CYP2D6: variants seen among roughly 807,000 people sequenced by gnomAD.
CYP2D6 encodes the protein cytochrome P450 family 2 subfamily D member 6 (gene/pseudogene).
In CYP2D6, 51 loss-of-function variants were observed where a neutral mutation model predicts 43.5. The ratio of observed to expected loss-of-function variants is 1.17; its 90% CI spans 0.94 to 1.48. The LOEUF is 1.48. Ranked by LOEUF, CYP2D6 falls within the 40% of genes most tolerant of loss-of-function variation. The pLI is 0.00. For synonymous variants in CYP2D6, 346 were observed against 297.1 expected, an observed-to-expected ratio of 1.16 and a Z score of -1.69; for missense variants, 698 against 688.0, an observed-to-expected ratio of 1.01 and a Z score of -0.16.
rs5030865 is a variant in CYP2D6, at chr22:42,129,033, C to A, written c.505G>T (p.Gly169Ter). Residue 169 changes from glycine to a stop codon, truncating the protein, a stop_gained and splice_region_variant, in exon 3 of 9, where the codon GGA becomes TGA. Transcript: ENST00000645361. LOFTEE classifies it high-confidence loss of function. ...TTGTGCCCTTCTGCCCATCACCCAC[C>A]GGAGTGGTTGGCGAAGGCGGCACAA... ...CLCAAFANHS[G>*]RPFRPNGLLD... is the part of the protein sequence containing the mutation. The A allele has an allele frequency of 3.5e-5, 56 of 1,606,104 alleles. 1 individual carries two copies. The South Asian group carries it at 3.6e-4, about 10-fold the overall frequency.
At chr22:42,128,523 A>G (rs879762106) in intron 4 of CYP2D6, among the ~76,000 whole-genome samples, 173 bp from the exon 5 acceptor site, 4 of 150,716 alleles carry the variant, frequency 2.7e-5, no homozygotes, top group African/African-American at 9.8e-5. Context: ...CCAGAGGAGA[A>G]ACCTAAAATC....
Position 42,130,643 on chromosome 22 carries a change from T to C in CYP2D6, c.149A>G (p.Asp50Gly), listed in dbSNP as rs143812937. Reference protein sequence around the residue: ...LPGLGNLLHVDFQNTPYCFDQ... With the variant: ...LPGLGNLLHVGFQNTPYCFDQ... ...GAAGCAGTATGGTGTGTTCTGGAAG[T>C]CCACATGCAGCAGGTTGCCCAGCCC... The change falls in exon 1 of 9, where the codon GAC becomes GGC. Residue 50 changes from aspartate to glycine, a missense_variant. By Grantham distance (94) the Asp-to-Gly change is moderately conservative. Transcript: ENST00000645361. The C allele has an allele frequency of 1.0e-4, 160 of 1,607,960 alleles. 5 individuals carry two copies. Among genetic ancestry groups the C allele is most frequent in the Non-Finnish European group, 1.3e-4 (149 of 1,177,064 alleles).
In CYP2D6 at chr22:42,129,836, G is replaced by C; in HGVS notation, c.254C>G (p.Ala85Gly). The change falls in exon 2 of 9, where the codon GCG becomes GGG. Residue 85 changes from alanine to glycine, a missense_variant. Around this residue, in one of 5 missense-constraint regions of CYP2D6, gnomAD observed 588 missense variants for 521.1 expected, o/e 1.13. Transcript: ENST00000645361. ...GGTCACCAGCGCCTCGCGCACGGCC[G>C]CCAGCCCATTGAGCACGACCACCGG... is the stretch of plus-strand genomic sequence containing the variant. ...WTPVVVLNGL[A>G]AVREALVTHG... 2 of 1,598,560 alleles carry C rather than the reference G, an allele frequency of 1.3e-6. No individual in the cohort carries two copies. The highest frequency in any genetic ancestry group is 1.7e-5 in the Admixed American group (1 of 59,452).
Position 42,128,031 on chromosome 22 carries a change from A to T in CYP2D6, c.844-48T>A, listed in dbSNP as rs28371723. 3.6e-4 allele frequency: 585 copies of T among 1,609,378 alleles called. 29 individuals are homozygous for T. In the African/African-American group the frequency reaches 7.2e-3, roughly 20 times the overall value. ...TCGGGACAGAACGGGGTAGCCCCCA[A>T]ATGACCTCCAATTCTGCACCTGTCA... On this transcript the variant is annotated intron_variant, in intron 5 of 8. Coordinates refer to ENST00000645361, the MANE Select transcript of CYP2D6 (RefSeq NM_000106.6).
In CYP2D6 at chr22:42,127,948, C is replaced by T; in HGVS notation, c.879G>A (p.Glu293=). Residue 293 remains glutamate (E), a synonymous_variant, in exon 6 of 9, where the codon GAG becomes GAA. Coordinates refer to ENST00000645361, the MANE Select transcript of CYP2D6 (RefSeq NM_000106.6). ...GGTCAGCCACCACTATGCGCAGGTT[C>T]TCATCATTGAAGCTGCTCTCAGGGT... ...KGNPESSFND[E]NLRIVVADLF... 4.3e-6 allele frequency: 7 copies of T among 1,611,386 alleles called. No individual in the cohort carries two copies. Among genetic ancestry groups the T allele is most frequent in the Middle Eastern group, 3.3e-4 (2 of 6,058 alleles).
chr22:42,126,510 A>G lies in CYP2D6; in HGVS notation c.*64T>C, dbSNP rs1930922060. ...GCAGGGGACCCGAGTTGGAACTACCACATTGCTTTATTGTACATTAGAGCC... is the reference window on the plus strand; with the variant it reads ...GCAGGGGACCCGAGTTGGAACTACCGCATTGCTTTATTGTACATTAGAGCC... On this transcript the variant is annotated 3_prime_UTR_variant, in exon 9 of 9. Coordinates refer to ENST00000645361, the MANE Select transcript of CYP2D6 (RefSeq NM_000106.6). 4.0e-6 allele frequency: 6 copies of G among 1,494,744 alleles called. No homozygotes were observed. Among genetic ancestry groups the G allele is most frequent in the Non-Finnish European group, 5.4e-6 (6 of 1,113,372 alleles). 92.6% of individuals were successfully genotyped at this position (1,494,744 alleles called of 1,614,324 possible).
At chr22:42,128,066 C>G (rs1483914043) in intron 5 of CYP2D6, 83 bp from the exon 6 acceptor site, 1 of 1,596,870 alleles carries the variant, frequency 6.3e-7, no homozygotes, top group Non-Finnish European at 8.6e-7. Context: ...AGCCCAGATG[C>G]GGCTCGCCGG....
rs777955329 is a variant in CYP2D6 at position 42,127,846 on chromosome 22, C to T, written c.981G>A (p.Val327=). ...GLLLMILHPD[V]QRRVQQEIDD... is the part of the protein sequence containing the mutation. ...CTGTTTCCCAGATGGGCTCACGCTG[C>T]ACATCCGGATGTAGGATCATGAGCA... The change falls in exon 6 of 9, where the codon GTG becomes GTA. Residue 327 remains valine, a synonymous_variant. Coordinates refer to ENST00000645361, the MANE Select transcript of CYP2D6 (RefSeq NM_000106.6). The T allele has an allele frequency of 1.6e-5, 25 of 1,610,960 alleles. No homozygotes were observed. The East Asian group carries it at 2.9e-4, about 19-fold the overall frequency.
chr22:42,128,621 T>A (rs1441770826), intron 4 of CYP2D6, among the ~76,000 whole-genome samples, 163 bp downstream of exon 4: 1 of 150,992 alleles, frequency 6.6e-6, no homozygotes, highest in Admixed American at 6.6e-5. Context: ...CGACCATGTC[T>A]GAGATGTCCC....
In CYP2D6 at chr22:42,129,056, C is replaced by A. The variant is rs774943042; in HGVS notation, c.482G>T (p.Cys161Phe). 1.9e-6 allele frequency: 3 copies of A among 1,608,052 alleles called. No individual in the cohort carries two copies. The highest frequency in any genetic ancestry group is 1.7e-6 in the Non-Finnish European group (2 of 1,177,062). ...QWVTEEAACL[C>F]AAFANHSGRP... ...ACCGGAGTGGTTGGCGAAGGCGGCA[C>A]AAAGGCAGGCGGCCTCCTCGGTCAC... is the stretch of plus-strand genomic sequence containing the variant. The change falls in exon 3 of 9, where the codon TGT becomes TTT. Residue 161 changes from cysteine to phenylalanine, a missense_variant. By Grantham distance (205) the Cys-to-Phe change is radical (BLOSUM62 -2). Transcript: ENST00000645361.
In CYP2D6 at chr22:42,127,444, T is replaced by C. The variant is rs1406283796; in HGVS notation, c.1173+3A>G. On this transcript the variant is annotated splice_donor_region_variant and intron_variant, in intron 7 of 8. Transcript: ENST00000645361. ...GCTGGGGTGAGGAGGGCGCCAGGCC[T>C]ACCTTAGGGATGCGGAAGCCCTGTA... 17 of 1,604,742 alleles carry C rather than the reference T, an allele frequency of 1.1e-5. No individual in the cohort carries two copies. The highest frequency in any genetic ancestry group is 1.4e-5 in the Non-Finnish European group (16 of 1,172,732).
At chr22:42,127,790 C>T (rs569426051) in intron 6 of CYP2D6, 52 bp downstream of exon 6, 16 of 1,601,850 alleles carry the variant, frequency 1.0e-5, no homozygotes, top group African/African-American at 5.4e-5. Flanking sequence ...CATGGGCCCC[C>T]GCCTGTACCC....
Position 42,126,640 on chromosome 22 carries a change from G to A in CYP2D6, c.1428C>T (p.Ser476=). Residue 476 remains serine (S), a synonymous_variant, in exon 9 of 9, where the codon AGC becomes AGT. Coordinates refer to ENST00000645361, the MANE Select transcript of CYP2D6 (RefSeq NM_000106.6). ...FSVPTGQPRP[S]HHGVFAFLVS... ...CCAGGAAAGCAAAGACACCATGGTG[G>A]CTGGGCCGGGGCTGTCCAGTGGGCA... 3 of 1,609,436 alleles carry A rather than the reference G, an allele frequency of 1.9e-6. No homozygotes were observed. Among genetic ancestry groups the A allele is most frequent in the Middle Eastern group, 1.7e-4 (1 of 5,952 alleles).
intron 4 of CYP2D6, 79 bp downstream of exon 4, chr22:42,128,705 C>G: frequency 6.6e-7 from 1 of 1,505,568 alleles, no homozygotes. Context: ...GCAAATCCTG[C>G]TCTTCCGAGG....
intron 2 of CYP2D6, chr22:42,129,396 A>T (rs1235135630): frequency 1.2e-6 from 1 of 828,826 alleles, no homozygotes; most frequent in East Asian, 2.6e-5. Flanking sequence ...CCGCCTTTGC[A>T]CTCAGGGAAG....
Position 42,129,175 on chromosome 22 carries a change from C to T in CYP2D6, c.363G>A (p.Leu121=). Residue 121 remains leucine, a synonymous_variant, in exon 3 of 9, where the codon CTG becomes CTA. Coordinates refer to ENST00000645361, the MANE Select transcript of CYP2D6 (RefSeq NM_000106.6). ...GFGPRSQGVF[L]ARYGPAWREQ... is the part of the protein sequence containing the mutation. The stretch of plus-strand genomic sequence containing the variant: ...CGCGCCACGCGGGCCCATAGCGCGC[C>T]AGGAACACCCCTGGGGGTGGGACGG... 1.2e-6 allele frequency: 2 copies of T among 1,605,122 alleles called. No homozygotes were observed. The highest frequency in any genetic ancestry group is 1.7e-6 in the Non-Finnish European group (2 of 1,177,984).
intron 2 of CYP2D6, 102 bp from the exon 3 acceptor site, chr22:42,129,287 G>A (rs1176878867): frequency 2.7e-5 from 38 of 1,433,608 alleles, no homozygotes; most frequent in East Asian, 4.7e-5. Context: ...CGCAGTCCCT[G>A]GCTCTGTCCA....
rs1135832 is a variant in CYP2D6 at position 42,126,667 on chromosome 22, C to G, written c.1401G>C (p.Ser467=). 74 of 1,606,282 alleles carry G rather than the reference C, an allele frequency of 4.6e-5. 1 individual carries two copies. Among genetic ancestry groups the G allele is most frequent in the East Asian group, 3.6e-4 (16 of 44,386 alleles). Residue 467 remains serine (S), a synonymous_variant, in exon 9 of 9, where the codon TCG becomes TCC. Transcript: ENST00000645361. Reference sequence around the variant, plus strand: ...TGGGCCGGGGCTGTCCAGTGGGCACCGAGAAGCTGAAGTGCTGCAGCAGGG... The same window carrying G: ...TGGGCCGGGGCTGTCCAGTGGGCACGGAGAAGCTGAAGTGCTGCAGCAGGG... ...FTSLLQHFSF[S]VPTGQPRPSH... is the part of the protein sequence containing the mutation.
Position 42,129,187 on chromosome 22 carries a change from TG to T in CYP2D6, c.353-3del. On this transcript the variant is annotated splice_polypyrimidine_tract_variant and splice_region_variant and intron_variant, in intron 2 of 8. Coordinates refer to ENST00000645361, the MANE Select transcript of CYP2D6 (RefSeq NM_000106.6). ...GCCCATAGCGCGCCAGGAACACCCCTGGGGGTGGGACGGGCACGTGCGCGTG... is the reference window on the plus strand; with the variant it reads ...GCCCATAGCGCGCCAGGAACACCCCTGGGGTGGGACGGGCACGTGCGCGTG... 1 of 1,603,408 alleles carries T rather than the reference TG, an allele frequency of 6.2e-7. No homozygotes were observed.
Sources: gnomAD v4.1 joint callset for allele counts (sites outside exome capture counted in the v4.1 genomes callset) on GRCh38, gnomAD v4.1.1 for gene constraint, gnomAD v4.1.1 regional missense constraint, MANE v1.5 for transcripts, NCBI Gene and HGNC (gene_info 2026-07-23, HGNC 2026-07-21) for gene names.